Variants in GPC5 observed in about 807,000 individuals in gnomAD.
The protein encoded by GPC5 is glypican-5.
A neutral mutation model predicts 53.9 loss-of-function variants in GPC5; 47 were observed. The observed-to-expected ratio is 0.87, with a 90% CI of 0.69 to 1.11. The LOEUF (loss-of-function observed/expected upper bound fraction) is 1.11, where lower values mean the gene tolerates loss of function less well. GPC5 is among the 50% of genes most tolerant of loss of function. GPC5 has a pLI of 0.00. For synonymous variants in GPC5, 286 were observed against 263.3 expected, an observed-to-expected ratio of 1.09 and a Z score of -0.84; for missense variants, 748 against 713.1, an observed-to-expected ratio of 1.05 and a Z score of -0.56.
intron 7 of GPC5, among the ~76,000 whole-genome samples, chr13:92,834,680 G>C (rs1455165000): frequency 6.6e-6 from 1 of 152,086 alleles, no homozygotes; most frequent in East Asian, 1.9e-4. Flanking sequence ...GTTGGCCTGA[G>C]AGACCCCAAA....
intron 7 of GPC5, among the ~76,000 whole-genome samples, chr13:92,352,985 G>A (rs1157528323): frequency 6.6e-6 from 1 of 152,158 alleles, no homozygotes; most frequent in Non-Finnish European, 1.5e-5. Flanking sequence ...ATCAGGCCGG[G>A]CGCGGTGGCT....
At chr13:92,846,277 C>T (rs942629516) in intron 7 of GPC5, among the ~76,000 whole-genome samples, 2 of 152,116 alleles carry the variant, frequency 1.3e-5, no homozygotes, top group African/African-American at 2.4e-5. Flanking sequence ...TAATTACCTC[C>T]CATGAGGTCC....
chr13:91,880,113 A>AT (rs543457298), intron 5 of GPC5, among the ~76,000 whole-genome samples: 1 of 151,892 alleles, frequency 6.6e-6, no homozygotes, highest in Admixed American at 6.6e-5. Context: ...GGGACTTAAA[A>AT]TTTTTTTTAA....
chr13:92,434,797 G>A (rs2139378427), intron 7 of GPC5, among the ~76,000 whole-genome samples: 1 of 152,278 alleles, frequency 6.6e-6, no homozygotes, highest in Non-Finnish European at 1.5e-5. Flanking sequence ...TCAAAGACAG[G>A]AGCAGAGCTG....
chr13:92,601,554 C>CAAAAAAAGAAAAAAAAAAAAAAAAAAAAA (rs1884056218), intron 7 of GPC5, among the ~76,000 whole-genome samples: 1 of 67,402 alleles, frequency 1.5e-5, no homozygotes, highest in African/African-American at 4.3e-5. Context: ...GACTCCATCT[C>CAAAAAAAGAAAAAAAAAAAAAAAAAAAAA]AAAAAAAAAA....
chr13:92,348,445 G>A (rs2043446769), intron 7 of GPC5, among the ~76,000 whole-genome samples: 1 of 152,052 alleles, frequency 6.6e-6, no homozygotes, highest in South Asian at 2.1e-4. Context: ...AATATGAAAT[G>A]ATTTTGAGAG....
At chr13:91,570,778 G>A (rs1426172965) in intron 2 of GPC5, among the ~76,000 whole-genome samples, 3 of 152,072 alleles carry the variant, frequency 2.0e-5, no homozygotes, top group African/African-American at 7.2e-5. Context: ...CCAAAATTTT[G>A]TAATTGTTTT....
chr13:91,566,931 CTTT>C (rs372108616), intron 2 of GPC5, among the ~76,000 whole-genome samples: 4 of 140,800 alleles, frequency 2.8e-5, no homozygotes, highest in Non-Finnish European at 3.1e-5. Flanking sequence ...TCTTCCAATT[CTTT>C]TTTTTTTTTT....
At chr13:92,375,112 A>C (rs982053053) in intron 7 of GPC5, among the ~76,000 whole-genome samples, 1 of 152,202 alleles carries the variant, frequency 6.6e-6, no homozygotes, top group Non-Finnish European at 1.5e-5. Flanking sequence ...ACAAGATCAA[A>C]GGTAGATAAT....
At chr13:92,246,284 G>C (rs2042650329) in intron 7 of GPC5, among the ~76,000 whole-genome samples, 1 of 151,926 alleles carries the variant, frequency 6.6e-6, no homozygotes, top group Non-Finnish European at 1.5e-5. Context: ...GAAATATCTT[G>C]TTCTTTATTT....
At chr13:92,814,070 T>C (rs1877382863) in intron 7 of GPC5, among the ~76,000 whole-genome samples, 1 of 152,028 alleles carries the variant, frequency 6.6e-6, no homozygotes, top group East Asian at 1.9e-4. Flanking sequence ...GCACAGAACC[T>C]GTATTTATAT....
At chr13:92,646,868 A>T (rs1313688775) in intron 7 of GPC5, among the ~76,000 whole-genome samples, 1 of 93,174 alleles carries the variant, frequency 1.1e-5, no homozygotes, top group Non-Finnish European at 3.4e-5. Flanking sequence ...AAACATATAC[A>T]TCTAACTATC....
chr13:92,757,209 C>T (rs987555709), intron 7 of GPC5, among the ~76,000 whole-genome samples: 1 of 152,152 alleles, frequency 6.6e-6, no homozygotes, highest in Non-Finnish European at 1.5e-5. Flanking sequence ...TTTGAGAAAC[C>T]TGACAAAAAC....
At chr13:92,405,735 A>G (rs2139342381) in intron 7 of GPC5, among the ~76,000 whole-genome samples, 1 of 152,190 alleles carries the variant, frequency 6.6e-6, no homozygotes, top group East Asian at 1.9e-4. Context: ...AAATCTCTAG[A>G]CTCTCATCTC....
At chr13:92,496,854 C>T (rs1186618488) in intron 7 of GPC5, among the ~76,000 whole-genome samples, 1 of 152,166 alleles carries the variant, frequency 6.6e-6, no homozygotes, top group Non-Finnish European at 1.5e-5. Context: ...CAAATCCATG[C>T]AGGTCTCCCA....
At chr13:92,343,042 T>C (rs533703607) in intron 7 of GPC5, among the ~76,000 whole-genome samples, 1 of 152,320 alleles carries the variant, frequency 6.6e-6, no homozygotes, top group Admixed American at 6.5e-5. Context: ...TTTAAATAGA[T>C]AATACATGAA....
intron 6 of GPC5, among the ~76,000 whole-genome samples, chr13:92,058,539 G>A (rs1049229762): frequency 6.6e-6 from 1 of 152,092 alleles, no homozygotes; most frequent in African/African-American, 2.4e-5. Context: ...AAAGTCTGTA[G>A]TTTACATTAG....
At chr13:92,200,513 A>G (rs1056684982) in intron 7 of GPC5, among the ~76,000 whole-genome samples, 4 of 152,234 alleles carry the variant, frequency 2.6e-5, no homozygotes, top group Non-Finnish European at 5.9e-5. Flanking sequence ...AATAAGAGGA[A>G]CTAGAAAATT....
chr13:92,302,061 TATATATA>T (rs1356828588), intron 7 of GPC5, among the ~76,000 whole-genome samples: 1 of 152,180 alleles, frequency 6.6e-6, no homozygotes, highest in Non-Finnish European at 1.5e-5. Flanking sequence ...GCCAGTTGAA[TATATATA>T]ATGCAGTAGA....
Sources: allele counts gnomAD v4.1 joint callset (sites outside exome capture counted in the v4.1 genomes callset), GRCh38; gene constraint gnomAD v4.1.1; transcripts MANE v1.5; gene names NCBI Gene and HGNC (gene_info 2026-07-23, HGNC 2026-07-21).